Variants in LRRC34 observed in about 807,000 individuals in gnomAD.
LRRC34 encodes the protein leucine-rich repeat-containing protein 34.
In LRRC34, 44 loss-of-function variants were observed where a neutral mutation model predicts 48.5. The ratio of observed to expected loss-of-function variants is 0.91; its 90% CI spans 0.71 to 1.17. The LOEUF (loss-of-function observed/expected upper bound fraction) is 1.17. LRRC34 is among the 50% of genes most tolerant of loss of function. LRRC34 has a pLI of 0.00. For missense variants in LRRC34, 502 were observed against 563.0 expected (o/e 0.89, Z 1.10); for synonymous variants, 192 against 197.6 (o/e 0.97, Z 0.24).
At position 169,812,095 on chromosome 3, in the gene LRRC34, C is replaced by T. The variant is rs1294793812; in HGVS notation, c.139+315G>A. Among the ~76,000 whole-genome samples the T allele has an allele frequency of 6.6e-6, 1 of 152,090 alleles. No homozygotes were observed. ...GGCTGAGAAGAGCCCCCCCGCCACC[C>T]CCTCCCGGAGACCCTGAGAGCACGG... On this transcript the variant is annotated intron_variant, in intron 1 of 10. Coordinates refer to ENST00000446859, the MANE Select transcript of LRRC34 (RefSeq NM_001172779.2). The surrounding 1 kb of genome is among the most constrained non-coding windows in gnomAD (Gnocchi z 4.3).
intron 9 of LRRC34, 22 bp from the exon 10 acceptor site, chr3:169,795,633 G>A: frequency 1.3e-6 from 2 of 1,596,884 alleles, no homozygotes; most frequent in Non-Finnish European, 1.7e-6. Context: ...AATTCCACAA[G>A]GAAAGAATAC....
intron 6 of LRRC34, among the ~76,000 whole-genome samples, chr3:169,803,516 C>T (rs1779266471): frequency 6.6e-6 from 1 of 152,188 alleles, no homozygotes. Context: ...ACTGCAGCCT[C>T]CACCTCCTGG....
At chr3:169,810,834 G>A (rs1041174671) in intron 1 of LRRC34, among the ~76,000 whole-genome samples, 1 of 152,240 alleles carries the variant, frequency 6.6e-6, no homozygotes, top group Non-Finnish European at 1.5e-5. Context: ...GGAGGCCGAG[G>A]CGAGCGGATC....
In LRRC34 at chr3:169,804,165, T is replaced by G. The variant is rs1471955469; in HGVS notation, c.545A>C (p.Lys182Thr). The G allele has an allele frequency of 6.3e-7, 1 of 1,592,704 alleles. No individual in the cohort carries two copies. The highest frequency in any genetic ancestry group is 1.3e-5 in the African/African-American group (1 of 74,086). ...AKVLHKNRTL[K>T]YLRMTGNKIE... Reference sequence around the variant, plus strand: ...TTTGTTTCCAGTCATTCTTAGGTATTTCAGAGTCCGATTCTTCTGAAAAGG... The same window carrying G: ...TTTGTTTCCAGTCATTCTTAGGTATGTCAGAGTCCGATTCTTCTGAAAAGG... Residue 182 changes from lysine (K) to threonine (T), a missense_variant, in exon 6 of 11, where the codon AAA (lysine) becomes ACA (threonine). Coordinates refer to ENST00000446859, the MANE Select transcript of LRRC34 (RefSeq NM_001172779.2).
intron 4 of LRRC34, 46 bp from the exon 5 acceptor site, chr3:169,806,977 G>C (rs1475612228): frequency 8.0e-7 from 1 of 1,244,990 alleles, no homozygotes; most frequent in Admixed American, 1.8e-5. Context: ...ATTGGAAATT[G>C]GTCAGTTTTA....
In LRRC34 at chr3:169,798,392, A is replaced by G. The variant is rs556971903; in HGVS notation, c.754-1493T>C. Among the ~76,000 whole-genome samples, 4 of 152,362 alleles carry G rather than the reference A, an allele frequency of 2.6e-5. No homozygotes were observed. In the East Asian group the frequency reaches 7.7e-4, roughly 29 times the overall value. ...ATAATGCCAATGAGCATTAAAGGTG[A>G]AGTCCAACATCTTAACAGCTTTTTG... is the stretch of plus-strand genomic sequence containing the variant. On this transcript the variant is annotated intron_variant, in intron 7 of 10. Coordinates refer to ENST00000446859, the MANE Select transcript of LRRC34 (RefSeq NM_001172779.2).
At chr3:169,804,607 A>G (rs886406571) in intron 5 of LRRC34, among the ~76,000 whole-genome samples, 1 of 152,182 alleles carries the variant, frequency 6.6e-6, no homozygotes, top group East Asian at 1.9e-4. Flanking sequence ...AAGAGGATAT[A>G]TACCTTAAAG....
chr3:169,808,694 T>A lies in LRRC34; in HGVS notation c.191A>T (p.Lys64Ile). Residue 64 changes from lysine to isoleucine, a missense_variant, in exon 2 of 11, where the codon AAA (lysine) becomes ATA (isoleucine). Physicochemically the swap from Lys to Ile is moderately radical, Grantham distance 102 (BLOSUM62 -3). Coordinates refer to ENST00000446859, the MANE Select transcript of LRRC34 (RefSeq NM_001172779.2). Reference protein sequence around the residue: ...QKHYSNLCMEKSQKINPFILH... With the variant: ...QKHYSNLCMEISQKINPFILH... ...TATAAAAGGATTAATTTTCTGGGAT[T>A]TTTCCATACACAGATTAGAATAATG... 8 of 1,598,060 alleles carry A rather than the reference T, an allele frequency of 5.0e-6. No individual in the cohort carries two copies. The highest frequency in any genetic ancestry group is 6.8e-6 in the Non-Finnish European group (8 of 1,168,856).
At chr3:169,794,949 G>A (rs1296719040) in intron 10 of LRRC34, 1 of 151,978 alleles carries the variant, frequency 6.6e-6, no homozygotes, top group East Asian at 1.9e-4. Context: ...TTGGGAGGGT[G>A]GTTTAGACAA....
chr3:169,804,199 CTT>C lies in LRRC34; in HGVS notation c.529-20_529-19del, dbSNP rs776203026. On this transcript the variant is annotated intron_variant, in intron 5 of 10. Coordinates refer to ENST00000446859, the MANE Select transcript of LRRC34 (RefSeq NM_001172779.2). The stretch of plus-strand genomic sequence containing the variant: ...CGATTCTTCTGAAAAGGAAAAAAAA[CTT>C]ATTTAATAATTGTTAATCCACAGAA... 4.9e-5 allele frequency: 76 copies of C among 1,547,058 alleles called. No homozygotes were observed. In the South Asian group the frequency reaches 7.4e-4, roughly 15 times the overall value.
At chr3:169,807,097 T>A (rs1191441765) in intron 4 of LRRC34, among the ~76,000 whole-genome samples, 166 bp from the exon 5 acceptor site, 3 of 152,114 alleles carry the variant, frequency 2.0e-5, no homozygotes, top group African/African-American at 7.2e-5. Flanking sequence ...CAAAAACAAC[T>A]ACATTAAGGA....
In LRRC34 at chr3:169,795,558, T is replaced by A. The variant is rs187786999; in HGVS notation, c.1118A>T (p.Gln373Leu). The A allele has an allele frequency of 3.1e-6, 5 of 1,612,982 alleles. No individual in the cohort carries two copies. Among genetic ancestry groups the A allele is most frequent in the Admixed American group, 1.7e-5 (1 of 60,006 alleles). Reference protein sequence around the residue: ...IEGEGLVALSQSMKTNLTFSH... With the variant: ...IEGEGLVALSLSMKTNLTFSH... ...GAAAGTGAGATTTGTTTTCATTGAT[T>A]GTGAAAGTGCAACAAGTCCTTCTCC... is the stretch of plus-strand genomic sequence containing the variant. Residue 373 changes from glutamine (Q) to leucine (L), a missense_variant, in exon 10 of 11, where the codon CAA becomes CTA. Transcript: ENST00000446859.
In LRRC34 at chr3:169,804,109, C is replaced by G. The variant is rs555098223; in HGVS notation, c.601G>C (p.Ala201Pro). The change falls in exon 6 of 11, where the codon GCA (alanine) becomes CCA (proline). Residue 201 changes from alanine to proline, a missense_variant. By Grantham distance (27) the Ala-to-Pro change is conservative. Coordinates refer to ENST00000446859, the MANE Select transcript of LRRC34 (RefSeq NM_001172779.2). ...IENKGGMFFA[A>P]MLQINSSLEK... ...AATGATGAATTAATTTGCAGCATTG[C>G]AGCAAAAAACATTCCACCTTTATTT... The G allele has an allele frequency of 1.3e-5, 21 of 1,605,430 alleles. No individual in the cohort carries two copies. The highest frequency in any genetic ancestry group is 1.8e-5 in the Non-Finnish European group (21 of 1,175,458).
At chr3:169,803,847 T>C in intron 6 of LRRC34, 1 of 359,018 alleles carries the variant, frequency 2.8e-6, no homozygotes, top group Non-Finnish European at 4.9e-6. Flanking sequence ...TAGATGGAAG[T>C]TTAGGAATAT....
intron 7 of LRRC34, 33 bp downstream of exon 7, chr3:169,800,626 G>C (rs1175899786): frequency 3.0e-6 from 4 of 1,338,530 alleles, no homozygotes; most frequent in Admixed American, 4.2e-5. Flanking sequence ...TATTCATGTT[G>C]TTATATTAAC....
At chr3:169,804,240 A>G (rs1779295926) in intron 5 of LRRC34, 59 bp from the exon 6 acceptor site, 5 of 1,366,952 alleles carry the variant, frequency 3.7e-6, no homozygotes, top group Non-Finnish European at 5.0e-6. Context: ...TATATATTAC[A>G]TGAATTAGGA....
chr3:169,796,154 A>G (rs776342463), intron 9 of LRRC34, 60 bp downstream of exon 9: 3 of 1,529,314 alleles, frequency 2.0e-6, no homozygotes, highest in African/African-American at 2.8e-5. Context: ...AAGGGGATTG[A>G]GGTTAGTATT....
intron 7 of LRRC34, among the ~76,000 whole-genome samples, chr3:169,797,468 T>G (rs1346353394): frequency 1.3e-5 from 2 of 152,184 alleles, no homozygotes; most frequent in African/African-American, 4.8e-5. Flanking sequence ...CAGAAGACTT[T>G]TTTTTAAGTT....
intron 1 of LRRC34, among the ~76,000 whole-genome samples, chr3:169,810,788 G>A (rs1426502440): frequency 6.6e-6 from 1 of 152,206 alleles, no homozygotes; most frequent in African/African-American, 2.4e-5. Flanking sequence ...TTTCCGGCCG[G>A]GTGCGGTGGC....
Sources: allele counts gnomAD v4.1 joint callset (sites outside exome capture counted in the v4.1 genomes callset), GRCh38; gene constraint gnomAD v4.1.1; non-coding constraint Gnocchi (gnomAD v3.1); transcripts MANE v1.5; gene names NCBI Gene and HGNC (gene_info 2026-07-23, HGNC 2026-07-21).